Variants in CAMKMT observed in about 807,000 individuals in gnomAD.
The protein encoded by CAMKMT is CaM KMT.
Under a neutral mutation model 48.0 loss-of-function variants are expected in CAMKMT, and 53 were observed. The ratio of observed to expected loss-of-function variants is 1.10; its 90% CI spans 0.89 to 1.39. The LOEUF (loss-of-function observed/expected upper bound fraction) is 1.39. Among genes scored for constraint, CAMKMT ranks in the 40% most tolerant of loss-of-function variants. The probability of loss-of-function intolerance (pLI) is 0.00; values close to 1 mark genes in which losing one functional copy is unlikely to be tolerated. For synonymous variants in CAMKMT, 165 were observed against 152.3 expected (o/e 1.08, Z -0.61); for missense variants, 428 against 402.7 (o/e 1.06, Z -0.54).
At chr2:44,472,304 C>A (rs1668463694) in intron 3 of CAMKMT, among the ~76,000 whole-genome samples, 1 of 151,924 alleles carries the variant, frequency 6.6e-6, no homozygotes, top group African/African-American at 2.4e-5. Flanking sequence ...ATGGGCAATT[C>A]TTTTTTAATC....
chr2:44,615,316 G>T (rs1435488239), intron 3 of CAMKMT, among the ~76,000 whole-genome samples: 1 of 152,170 alleles, frequency 6.6e-6, no homozygotes, highest in Non-Finnish European at 1.5e-5. Context: ...TTAGAAAGAT[G>T]TAAGTCCAAA....
chr2:44,372,149 C>T (rs1466934767), intron 1 of CAMKMT, among the ~76,000 whole-genome samples: 1 of 152,226 alleles, frequency 6.6e-6, no homozygotes, highest in East Asian at 1.9e-4. Context: ...AAAGTGGTTG[C>T]AAAAGTCAGA....
intron 3 of CAMKMT, among the ~76,000 whole-genome samples, chr2:44,597,677 A>G (rs140220308): frequency 6.6e-6 from 1 of 152,334 alleles, no homozygotes; most frequent in Non-Finnish European, 1.5e-5. Context: ...TTATCAAAAT[A>G]TGTTTAAAAT....
chr2:44,771,967 A>G (rs1681132987), intron 10 of CAMKMT, 69 bp from the exon 11 acceptor site: 1 of 1,060,382 alleles, frequency 9.4e-7, no homozygotes, highest in African/African-American at 1.6e-5. Context: ...GATACTCAAC[A>G]TTAATATTGA....
intron 3 of CAMKMT, among the ~76,000 whole-genome samples, chr2:44,592,009 G>A (rs1344215188): frequency 2.0e-5 from 3 of 148,396 alleles, no homozygotes; most frequent in Admixed American, 6.9e-5. Flanking sequence ...TGGGAATTGA[G>A]CAATGAGAAC....
rs1036089829 is a variant in CAMKMT at position 44,390,969 on chromosome 2, C to G, written c.376+664C>G. ...TTATGTCACTGAGTTAAACAGCATACCATCATAGGAGCTATGGACTTTTTA... is the reference window on the plus strand; with the variant it reads ...TTATGTCACTGAGTTAAACAGCATAGCATCATAGGAGCTATGGACTTTTTA... On this transcript the variant is annotated intron_variant, in intron 3 of 10. Transcript: ENST00000378494. Among the ~76,000 whole-genome samples the G allele has an allele frequency of 3.3e-5, 5 of 152,106 alleles. No homozygotes were observed. In the East Asian group the frequency reaches 9.6e-4, roughly 29 times the overall value.
chr2:44,592,615 C>G (rs1168372643), intron 3 of CAMKMT, among the ~76,000 whole-genome samples: 1 of 152,106 alleles, frequency 6.6e-6, no homozygotes, highest in Non-Finnish European at 1.5e-5. Flanking sequence ...TATTGTTAAT[C>G]TCTTATACTA....
intron 3 of CAMKMT, among the ~76,000 whole-genome samples, chr2:44,428,456 T>TG (rs1423874820): frequency 2.0e-5 from 3 of 152,076 alleles, no homozygotes; most frequent in Admixed American, 1.3e-4. Flanking sequence ...ATAGGAAGTG[T>TG]GGGGGGCAAA....
chr2:44,431,589 T>G (rs2104537895), intron 3 of CAMKMT, among the ~76,000 whole-genome samples: 1 of 152,314 alleles, frequency 6.6e-6, no homozygotes, highest in South Asian at 2.1e-4. Flanking sequence ...CTCATATCTC[T>G]TCTGATGGAA....
rs1003945431 is a variant in CAMKMT, at chr2:44,362,158, C to T, written c.138+13C>T. On this transcript the variant is annotated intron_variant, in intron 1 of 10. Coordinates refer to ENST00000378494, the MANE Select transcript of CAMKMT (RefSeq NM_024766.5). ...GCTCCTGCGGCAGGTAAGGGAGAAC[C>T]TGCTCGCCTCACCTTTGCCTCTGGT... The T allele has an allele frequency of 6.2e-6, 9 of 1,460,028 alleles. No homozygotes were observed. Among genetic ancestry groups the T allele is most frequent in the Non-Finnish European group, 8.0e-6 (9 of 1,118,614 alleles). The allele number at this position is 1,460,028 out of a possible 1,614,324, so 90.4% of individuals were successfully genotyped here.
chr2:44,645,877 C>G (rs910534301), intron 3 of CAMKMT, among the ~76,000 whole-genome samples: 1 of 152,190 alleles, frequency 6.6e-6, no homozygotes, highest in East Asian at 1.9e-4. Flanking sequence ...CCCAAATACT[C>G]TCTTCCAAAG....
chr2:44,662,657 A>G (rs1674741877), intron 3 of CAMKMT, among the ~76,000 whole-genome samples: 1 of 152,160 alleles, frequency 6.6e-6, no homozygotes, highest in Non-Finnish European at 1.5e-5. Context: ...CAGTGGTGCC[A>G]TCATATCTCA....
rs532502592 is a variant in CAMKMT, at chr2:44,621,503, A to G, written c.377-82780A>G. On this transcript the variant is annotated intron_variant, in intron 3 of 10. Coordinates refer to ENST00000378494, the MANE Select transcript of CAMKMT (RefSeq NM_024766.5). The stretch of plus-strand genomic sequence containing the variant: ...TTGAACTGAGATCTAAAGGATGAGA[A>G]TAGACCAGTCAAGGGGAAAGCTGGG... 4.6e-5 allele frequency among the ~76,000 whole-genome samples: 7 copies of G among 152,314 alleles called. No homozygotes were observed. The East Asian group carries it at 1.4e-3, about 29-fold the overall frequency.
intron 3 of CAMKMT, among the ~76,000 whole-genome samples, chr2:44,460,621 G>A (rs75068859): frequency 0.07 from 10,575 of 151,806 alleles, 441 homozygotes; most frequent in South Asian, 0.13. Context: ...CACTGGTGAT[G>A]TGGTTGTCCT....
At chr2:44,699,514 C>T (rs1677144159) in intron 3 of CAMKMT, among the ~76,000 whole-genome samples, 1 of 152,166 alleles carries the variant, frequency 6.6e-6, no homozygotes, top group Non-Finnish European at 1.5e-5. Flanking sequence ...GTAAACCATG[C>T]TATAAACAGA....
chr2:44,527,776 A>G (rs537505869), intron 3 of CAMKMT, among the ~76,000 whole-genome samples: 1 of 107,222 alleles, frequency 9.3e-6, no homozygotes, highest in Non-Finnish European at 1.9e-5. Context: ...CTCCTCCCAC[A>G]TGTGTACAGC....
intron 3 of CAMKMT, among the ~76,000 whole-genome samples, chr2:44,658,502 G>A (rs78744938): frequency 0.028 from 4,196 of 152,224 alleles, 152 homozygotes; most frequent in African/African-American, 0.09. Context: ...TTTTACAAAA[G>A]CGTGACGTCG....
chr2:44,737,744 C>G lies in CAMKMT; in HGVS notation c.624-5878C>G, dbSNP rs189564658. 1.6e-3 allele frequency among the ~76,000 whole-genome samples: 244 copies of G among 152,026 alleles called. 1 individual carries two copies. The highest frequency in any genetic ancestry group is 2.8e-3 in the Non-Finnish European group (193 of 67,928). On this transcript the variant is annotated intron_variant, in intron 7 of 10. Coordinates refer to ENST00000378494, the MANE Select transcript of CAMKMT (RefSeq NM_024766.5). ...CATCCACAGATCTCCAGAGTTCTCT[C>G]TCTCTCTCTTTCTCTCTCTCTCTCT...
At chr2:44,427,843 ACCCCC>A (rs1684379822) in intron 3 of CAMKMT, among the ~76,000 whole-genome samples, 1 of 151,894 alleles carries the variant, frequency 6.6e-6, no homozygotes, top group Non-Finnish European at 1.5e-5. Flanking sequence ...AGTTCCTTTG[ACCCCC>A]TCATGGGACT....
Sources: gnomAD v4.1 joint callset for allele counts (sites outside exome capture counted in the v4.1 genomes callset) on GRCh38, gnomAD v4.1.1 for gene constraint, MANE v1.5 for transcripts, NCBI Gene and HGNC (gene_info 2026-07-23, HGNC 2026-07-21) for gene names.